The following SLX9 variants were observed in gnomAD, a reference collection of about 807,000 sequenced individuals.
SLX9 encodes the protein ribosome biogenesis protein SLX9 homolog.
SLX9 carries 19 observed loss-of-function variants against 20.8 expected under a neutral mutation model. That is an observed-to-expected ratio of 0.91 (90% CI 0.64 to 1.34). The LOEUF (loss-of-function observed/expected upper bound fraction) is 1.34. SLX9 is among the 40% of genes most tolerant of loss of function. The pLI, the probability that SLX9 is intolerant of heterozygous loss-of-function variation, is 0.00. For missense variants in SLX9, 299 were observed against 322.2 expected (o/e 0.93, Z 0.55); for synonymous variants, 113 against 137.1 (o/e 0.82, Z 1.23).
chr21:44,966,298 C>G (rs1021482316), intron 3 of SLX9, among the ~76,000 whole-genome samples: 3 of 152,080 alleles, frequency 2.0e-5, no homozygotes, highest in Admixed American at 2.0e-4. Flanking sequence ...ACAGGTCTGC[C>G]ATGCCCGGGC....
chr21:44,951,473 C>T (rs1399664639), intron 2 of SLX9, among the ~76,000 whole-genome samples: 2 of 152,106 alleles, frequency 1.3e-5, no homozygotes, highest in African/African-American at 2.4e-5. Flanking sequence ...ACGGGGCGAA[C>T]GGCCGCGTCT....
rs1165926643 is a variant in SLX9 at position 44,967,108 on chromosome 21, G to A, written c.427G>A (p.Asp143Asn). ...RRRRATVVVG[D>N]LHPLRDALPE... The stretch of plus-strand genomic sequence containing the variant: ...GCGGAGGGCCACGGTGGTGGTGGGG[G>A]ACCTGCACCCTCTCAGGGATGCCCT... The change falls in exon 4 of 6, where the codon GAC becomes AAC. Residue 143 changes from aspartate (D) to asparagine (N), a missense_variant. By Grantham distance (23) the Asp-to-Asn change is conservative. Transcript: ENST00000291634. 3 of 1,611,030 alleles carry A rather than the reference G, an allele frequency of 1.9e-6. No individual in the cohort carries two copies. The highest frequency in any genetic ancestry group is 1.1e-5 in the South Asian group (1 of 90,978).
In SLX9 at chr21:44,945,468, C is replaced by T. The variant is rs1022554694; in HGVS notation, c.283+1631C>T. 2.0e-5 allele frequency among the ~76,000 whole-genome samples: 3 copies of T among 152,174 alleles called. No individual in the cohort carries two copies. The East Asian group carries it at 5.8e-4, about 29-fold the overall frequency. On this transcript the variant is annotated intron_variant, in intron 2 of 5. Coordinates refer to ENST00000291634, the MANE Select transcript of SLX9 (RefSeq NM_058190.4). ...CCTCTTTCCTCTGCCTTTTCTTGGC[C>T]CTCTCCCTTCAAGCCCCTGTGGCTC...
At chr21:44,942,180 C>T (rs373495036) in intron 1 of SLX9, among the ~76,000 whole-genome samples, 3 of 152,176 alleles carry the variant, frequency 2.0e-5, no homozygotes, top group Non-Finnish European at 4.4e-5. Flanking sequence ...AGTCGTCTGC[C>T]GTATACCAAC....
chr21:44,971,790 G>C (rs1465097535), intron 4 of SLX9, among the ~76,000 whole-genome samples: 1 of 152,218 alleles, frequency 6.6e-6, no homozygotes, highest in African/African-American at 2.4e-5. Context: ...GGTGGACACA[G>C]GGAGGGGGTC....
intron 2 of SLX9, among the ~76,000 whole-genome samples, chr21:44,946,341 C>T (rs995914891): frequency 6.6e-6 from 1 of 152,132 alleles, no homozygotes; most frequent in Non-Finnish European, 1.5e-5. Context: ...CTCCCCAGCC[C>T]TGAGCTCGTG....
chr21:44,966,598 T>A (rs1197529352), intron 3 of SLX9, among the ~76,000 whole-genome samples: 2 of 151,980 alleles, frequency 1.3e-5, no homozygotes, highest in Non-Finnish European at 2.9e-5. Context: ...TCCTGGGGCT[T>A]CTCCCCTTCC....
chr21:44,946,373 C>A (rs1373679516), intron 2 of SLX9, among the ~76,000 whole-genome samples: 1 of 152,202 alleles, frequency 6.6e-6, no homozygotes, highest in South Asian at 2.1e-4. Context: ...GTGGCCCGTT[C>A]TGGCGCTTCC....
intron 5 of SLX9, among the ~76,000 whole-genome samples, chr21:44,974,620 C>T (rs2085228605): frequency 6.6e-6 from 1 of 152,150 alleles, no homozygotes; most frequent in Non-Finnish European, 1.5e-5. Flanking sequence ...GGCTGGAGTG[C>T]AGAGGTGTGA....
chr21:44,960,675 C>T (rs111466901), intron 3 of SLX9, among the ~76,000 whole-genome samples: 2 of 152,256 alleles, frequency 1.3e-5, no homozygotes, highest in African/African-American at 4.8e-5. Context: ...GGGCAGGGCC[C>T]CTGGTGTCCC....
At chr21:44,967,663 C>T (rs1181684183) in intron 4 of SLX9, among the ~76,000 whole-genome samples, 1 of 152,208 alleles carries the variant, frequency 6.6e-6, no homozygotes, top group East Asian at 1.9e-4. Flanking sequence ...ACACTGCACA[C>T]CCTGTCCTGC....
intron 2 of SLX9, among the ~76,000 whole-genome samples, chr21:44,947,060 T>G (rs2084656356): frequency 6.6e-6 from 1 of 152,202 alleles, no homozygotes; most frequent in Non-Finnish European, 1.5e-5. Context: ...GTCCTTTGCA[T>G]CTTGGCTGCT....
At chr21:44,963,393 A>G (rs202061206) in intron 3 of SLX9, among the ~76,000 whole-genome samples, 1 of 150,656 alleles carries the variant, frequency 6.6e-6, no homozygotes. Flanking sequence ...TTTTTTTTAA[A>G]TAAACGAGAG....
At chr21:44,967,629 G>A (rs2085062440) in intron 4 of SLX9, among the ~76,000 whole-genome samples, 1 of 152,192 alleles carries the variant, frequency 6.6e-6, no homozygotes, top group Non-Finnish European at 1.5e-5. Context: ...CCTCCTGAGT[G>A]GACCTTTCCC....
In SLX9 at chr21:44,942,162, G is replaced by A. The variant is rs181835725; in HGVS notation, c.130-1522G>A. Among the ~76,000 whole-genome samples, 134 of 152,296 alleles carry A rather than the reference G, an allele frequency of 8.8e-4. 1 individual carries two copies. Among genetic ancestry groups the A allele is most frequent in the South Asian group, 1.4e-3 (7 of 4,828 alleles). The stretch of plus-strand genomic sequence containing the variant: ...CATGGAGAATGTCCCAGGTACAGTG[G>A]GAAAAGCAGTCGTCTGCCGTATACC... On this transcript the variant is annotated intron_variant, in intron 1 of 5. Transcript: ENST00000291634.
chr21:44,948,154 G>A (rs2084679016), intron 2 of SLX9, among the ~76,000 whole-genome samples: 1 of 152,350 alleles, frequency 6.6e-6, no homozygotes, highest in Non-Finnish European at 1.5e-5. Flanking sequence ...CCGGGGAGCT[G>A]GTCATGCAGC....
At chr21:44,947,123 TCTC>T (rs1220161477) in intron 2 of SLX9, among the ~76,000 whole-genome samples, 7 of 152,190 alleles carry the variant, frequency 4.6e-5, no homozygotes, top group African/African-American at 1.7e-4. Context: ...TTTGGTGTGG[TCTC>T]CTCAGCTCCT....
chr21:44,940,031 G>T lies in SLX9; in HGVS notation c.-27G>T. 2.1e-6 allele frequency: 3 copies of T among 1,406,978 alleles called. No homozygotes were observed. The highest frequency in any genetic ancestry group is 2.8e-6 in the Non-Finnish European group (3 of 1,081,776). The allele number at this position is 1,406,978 out of a possible 1,614,324, so 87.2% of individuals were successfully genotyped here. The stretch of plus-strand genomic sequence containing the variant: ...AGGACCAGCTTCCGGGAGGCGCTCC[G>T]CACGTTTGCCGTGCTCCGCCGGGAA... On this transcript the variant is annotated 5_prime_UTR_variant, in exon 1 of 6. Coordinates refer to ENST00000291634, the MANE Select transcript of SLX9 (RefSeq NM_058190.4).
At chr21:44,974,133 A>G (rs1488718456) in intron 5 of SLX9, among the ~76,000 whole-genome samples, 1 of 152,150 alleles carries the variant, frequency 6.6e-6, no homozygotes, top group African/African-American at 2.4e-5. Context: ...TCCAGTTTCC[A>G]CTGAGAGAGC....
Sources: allele counts gnomAD v4.1 joint callset (sites outside exome capture counted in the v4.1 genomes callset), GRCh38; gene constraint gnomAD v4.1.1; transcripts MANE v1.5; gene names NCBI Gene and HGNC (gene_info 2026-07-23, HGNC 2026-07-21).